The following PDE10A variants were observed in gnomAD, a reference collection of about 807,000 sequenced individuals.
PDE10A encodes the protein cAMP and cAMP-inhibited cGMP 3',5'-cyclic phosphodiesterase 10A.
A neutral mutation model predicts 97.7 loss-of-function variants in PDE10A; 39 were observed. The ratio of observed to expected loss-of-function variants is 0.40; its 90% CI spans 0.31 to 0.52. The LOEUF is 0.52. PDE10A is among the 20% of genes least tolerant of loss of function. PDE10A has a pLI of 0.56. For missense variants in PDE10A, 731 were observed against 1,047.8 expected, an observed-to-expected ratio of 0.70 and a Z score of 4.17; for synonymous variants, 371 against 376.8, an observed-to-expected ratio of 0.98 and a Z score of 0.18.
rs1333552436 is a variant in PDE10A, at chr6:165,655,886, GC to G, written c.865+6060del. Among the ~76,000 whole-genome samples the G allele has an allele frequency of 6.6e-6, 1 of 151,946 alleles. No individual in the cohort carries two copies. Among genetic ancestry groups the G allele is most frequent in the Admixed American group, 6.6e-5 (1 of 15,260 alleles). ...GTCACCCCGCTCCTCTGCCTTGTGA[GC>G]CCCCTCTGCCTAGGGTGCTTTTCCC... is the stretch of plus-strand genomic sequence containing the variant. On this transcript the variant is annotated intron_variant, in intron 1 of 21. Coordinates refer to ENST00000539869, the MANE Select transcript of PDE10A (RefSeq NM_001385079.1). This position sits in a 1 kb window ranked among gnomAD's most constrained non-coding sequence, Gnocchi z 4.5.
Position 165,434,151 on chromosome 6 carries a change from G to A in PDE10A, c.1336-1022C>T, listed in dbSNP as rs186092688. On this transcript the variant is annotated intron_variant, in intron 6 of 21. Transcript: ENST00000539869. ...ATGAATTAGAACTTCATGAAATAGT[G>A]TAACTCTGTACTTGTAATGTACAGA... Among the ~76,000 whole-genome samples the A allele has an allele frequency of 9.9e-5, 15 of 151,432 alleles. No individual in the cohort carries two copies. In the East Asian group the frequency reaches 2.5e-3, roughly 26 times the overall value.
At chr6:165,521,078 A>G (rs1782101300) in intron 2 of PDE10A, among the ~76,000 whole-genome samples, 2 of 152,144 alleles carry the variant, frequency 1.3e-5, no homozygotes, top group African/African-American at 4.8e-5. Flanking sequence ...CTGTGTGTCA[A>G]ATTTTCACGA....
At position 165,432,962 on chromosome 6, in the gene PDE10A, T is replaced by C. The variant is rs759961264; in HGVS notation, c.1491+12A>G. The C allele has an allele frequency of 1.9e-5, 30 of 1,610,796 alleles. No homozygotes were observed. Among genetic ancestry groups the C allele is most frequent in the Non-Finnish European group, 2.5e-5 (29 of 1,178,102 alleles). On this transcript the variant is annotated intron_variant, in intron 7 of 21. Transcript: ENST00000539869. Reference sequence around the variant, plus strand: ...ACTAAAAATTCTAACATGCAGCATTTAAAGGCCTTACCTCCTGGTGACTAA... The same window carrying C: ...ACTAAAAATTCTAACATGCAGCATTCAAAGGCCTTACCTCCTGGTGACTAA...
intron 18 of PDE10A, among the ~76,000 whole-genome samples, chr6:165,345,650 G>A (rs1012266247): frequency 1.3e-5 from 2 of 152,184 alleles, no homozygotes; most frequent in South Asian, 4.1e-4. Context: ...AAACAATCAA[G>A]GAGGAGCCCA....
chr6:165,878,792 C>A (rs1480867614), intron 1 of PDE10A, among the ~76,000 whole-genome samples: 1 of 152,122 alleles, frequency 6.6e-6, no homozygotes, highest in Non-Finnish European at 1.5e-5. Flanking sequence ...GGAGATGTAG[C>A]AAAGGAGGCA....
intron 18 of PDE10A, among the ~76,000 whole-genome samples, chr6:165,363,503 G>A (rs1019053494): frequency 1.1e-4 from 17 of 151,684 alleles, no homozygotes; most frequent in African/African-American, 4.1e-4. Flanking sequence ...GCGACTGAGT[G>A]AGACTCTGTC....
intron 1 of PDE10A, among the ~76,000 whole-genome samples, chr6:165,554,126 A>T (rs1341193520): frequency 1.3e-5 from 2 of 152,200 alleles, no homozygotes; most frequent in East Asian, 3.9e-4. Context: ...GCAATACCTC[A>T]TAAGCATAGG....
chr6:165,652,476 C>T (rs943817691), intron 1 of PDE10A, among the ~76,000 whole-genome samples: 3 of 152,184 alleles, frequency 2.0e-5, no homozygotes, highest in Non-Finnish European at 2.9e-5. Flanking sequence ...CAAGAGCCAC[C>T]TCGCCCAGCC....
intron 1 of PDE10A, among the ~76,000 whole-genome samples, chr6:165,602,482 C>A (rs1011491524): frequency 6.6e-6 from 1 of 152,138 alleles, no homozygotes; most frequent in East Asian, 1.9e-4. Context: ...TGAGCGGGAA[C>A]AACATTTCTG....
chr6:165,733,361 T>C (rs1020381170), intron 1 of PDE10A, among the ~76,000 whole-genome samples: 1 of 152,230 alleles, frequency 6.6e-6, no homozygotes, highest in African/African-American at 2.4e-5. Context: ...TCCTATTTCC[T>C]GCTGCCCTTG....
intron 18 of PDE10A, among the ~76,000 whole-genome samples, chr6:165,355,613 T>G (rs924457002): frequency 2.0e-5 from 3 of 152,144 alleles, no homozygotes; most frequent in African/African-American, 4.8e-5. Flanking sequence ...TGCTGGACAT[T>G]TAGGTTGCCA....
intron 13 of PDE10A, among the ~76,000 whole-genome samples, chr6:165,398,509 A>C (rs1298967858): frequency 1.3e-5 from 2 of 152,068 alleles, no homozygotes; most frequent in African/African-American, 4.8e-5. Context: ...CAAAAAAAAA[A>C]AAAAGGTTGT....
At chr6:165,666,165 C>A (rs1790491955), upstream of PDE10A, among the ~76,000 whole-genome samples, 1 of 152,104 alleles carries the variant, frequency 6.6e-6, no homozygotes, top group Admixed American at 6.5e-5. Context: ...ATTTTATGAA[C>A]TTTTTGGTAA....
chr6:165,511,921 G>A (rs1000460975), intron 2 of PDE10A, among the ~76,000 whole-genome samples: 7 of 151,916 alleles, frequency 4.6e-5, no homozygotes, highest in African/African-American at 1.7e-4. Context: ...CAGGTGAAGT[G>A]CATTTCTTAC....
chr6:165,958,733 A>AAG (rs1784261950), intron 1 of PDE10A, among the ~76,000 whole-genome samples: 1 of 14,244 alleles, frequency 7.0e-5, no homozygotes, highest in African/African-American at 4.1e-4. Flanking sequence ...GAAAGAAAGA[A>AAG]AGAAAGAAAG....
chr6:165,601,889 C>T (rs1336199617), intron 1 of PDE10A, among the ~76,000 whole-genome samples: 1 of 152,154 alleles, frequency 6.6e-6, no homozygotes, highest in Admixed American at 6.5e-5. Flanking sequence ...ACATCTCATC[C>T]CACCCTGCCC....
intron 2 of PDE10A, among the ~76,000 whole-genome samples, chr6:165,527,256 T>C (rs1467473518): frequency 2.0e-5 from 3 of 152,208 alleles, no homozygotes; most frequent in African/African-American, 7.2e-5. Context: ...TTTGGTTGTG[T>C]TACTCCAGCC....
At chr6:165,392,353 G>A (rs555856214) in intron 16 of PDE10A, among the ~76,000 whole-genome samples, 2 of 152,282 alleles carry the variant, frequency 1.3e-5, no homozygotes, top group East Asian at 3.9e-4. Context: ...AAAATTCACT[G>A]TTTATATCCC....
chr6:165,622,104 C>T (rs1374721946), intron 1 of PDE10A, among the ~76,000 whole-genome samples: 1 of 152,072 alleles, frequency 6.6e-6, no homozygotes, highest in East Asian at 1.9e-4. Context: ...GACTGAAACA[C>T]GGAAACACTG....
Sources: gnomAD v4.1 joint callset for allele counts (sites outside exome capture counted in the v4.1 genomes callset) on GRCh38, gnomAD v4.1.1 for gene constraint, Gnocchi (gnomAD v3.1) non-coding constraint, MANE v1.5 for transcripts, NCBI Gene and HGNC (gene_info 2026-07-23, HGNC 2026-07-21) for gene names.